The following DNAH11 variants were observed in gnomAD, a reference collection of about 807,000 sequenced individuals.
DNAH11 encodes the protein axonemal beta dynein heavy chain 11.
Under a neutral mutation model 526.0 loss-of-function variants are expected in DNAH11, and 442 were observed. The ratio of observed to expected loss-of-function variants is 0.84; its 90% CI spans 0.78 to 0.91. The LOEUF is 0.91. DNAH11 is among the 40% of genes least tolerant of loss of function. The pLI, the probability that DNAH11 is intolerant of heterozygous loss-of-function variation, is 0.00. For synonymous variants in DNAH11, 2,461 were observed against 1,935.9 expected (o/e 1.27, Z -7.12); for missense variants, 6,989 against 5,448.7 (o/e 1.28, Z -8.90).
intron 26 of DNAH11, 145 bp downstream of exon 26, chr7:21,636,240 A>G (rs917502115): frequency 9.1e-6 from 6 of 660,698 alleles, no homozygotes; most frequent in Non-Finnish European, 1.5e-5. Context: ...CAGGTAATAA[A>G]TATTTCAGGC....
At chr7:21,767,636 A>G (rs559249156) in intron 55 of DNAH11, among the ~76,000 whole-genome samples, 2 of 152,334 alleles carry the variant, frequency 1.3e-5, no homozygotes, top group Admixed American at 6.5e-5. Context: ...CAAATGAGTC[A>G]GATGATTTCA....
intron 5 of DNAH11, 112 bp from the exon 6 acceptor site, chr7:21,564,074 C>T: frequency 2.9e-6 from 2 of 701,524 alleles, no homozygotes; most frequent in Non-Finnish European, 4.6e-6. Context: ...ACTATGACAA[C>T]ATTTAAGTGT....
chr7:21,870,544 G>C lies in DNAH11; in HGVS notation c.11967+1553G>C, dbSNP rs183685844. ...AGACAGTTAGGTAAATTTTAAGGTT[G>C]TCTCAGAAAGGAAAGAGCTCTTTGA... is the stretch of plus-strand genomic sequence containing the variant. On this transcript the variant is annotated intron_variant, in intron 73 of 81. Transcript: ENST00000409508. Among the ~76,000 whole-genome samples, 52 of 152,280 alleles carry C rather than the reference G, an allele frequency of 3.4e-4. 1 individual carries two copies. In the East Asian group the frequency reaches 7.1e-3, roughly 21 times the overall value.
At chr7:21,711,619 C>G (rs1784466039) in intron 41 of DNAH11, 93 bp from the exon 42 acceptor site, 2 of 1,516,536 alleles carry the variant, frequency 1.3e-6, no homozygotes, top group African/African-American at 1.4e-5. Flanking sequence ...AGCACACAGC[C>G]TGTGATACTT....
chr7:21,600,459 A>G (rs1227666193), intron 15 of DNAH11, among the ~76,000 whole-genome samples: 4 of 150,630 alleles, frequency 2.7e-5, no homozygotes, highest in Non-Finnish European at 4.4e-5. Flanking sequence ...TCTCAAAAAA[A>G]CAAAAACAAA....
chr7:21,719,278 C>T (rs115098837), intron 43 of DNAH11, among the ~76,000 whole-genome samples: 2,072 of 152,228 alleles, frequency 0.014, 43 homozygotes, highest in African/African-American at 0.048. Flanking sequence ...AGATAGTGAC[C>T]TGAAATGGCT....
At chr7:21,896,212 C>CT (rs548600172) in intron 79 of DNAH11, among the ~76,000 whole-genome samples, 202 of 152,126 alleles carry the variant, frequency 1.3e-3, no homozygotes, top group African/African-American at 4.6e-3. Context: ...CTCATCATTG[C>CT]TTTTTTTGTA....
chr7:21,724,050 T>C (rs962760445), intron 44 of DNAH11, among the ~76,000 whole-genome samples: 4 of 152,232 alleles, frequency 2.6e-5, no homozygotes, highest in African/African-American at 9.6e-5. Context: ...TTTTCTACTT[T>C]AGAACAGATG....
At position 21,681,614 on chromosome 7, in the gene DNAH11, C is replaced by G; in HGVS notation, c.5397C>G (p.Ile1799Met). The G allele has an allele frequency of 1.2e-6, 2 of 1,613,886 alleles. No individual in the cohort carries two copies. The highest frequency in any genetic ancestry group is 8.5e-7 in the Non-Finnish European group (1 of 1,179,808). ...GELPPGDRQK[I>M]MTICTIDVHA... ...TTCCACCTGGAGACAGACAGAAGAT[C>G]ATGACAATTTGTACCATAGATGTCC... The change falls in exon 31 of 82, where the codon ATC becomes ATG. Residue 1799 changes from isoleucine to methionine, a missense_variant. Coordinates refer to ENST00000409508, the MANE Select transcript of DNAH11 (RefSeq NM_001277115.2).
intron 69 of DNAH11, among the ~76,000 whole-genome samples, 187 bp downstream of exon 69, chr7:21,862,210 C>A (rs576930675): frequency 2.0e-5 from 3 of 150,960 alleles, no homozygotes; most frequent in African/African-American, 7.3e-5. Context: ...TCTCCTAGGT[C>A]CCAGTGCTTT....
Position 21,867,972 on chromosome 7 carries a change from C to T in DNAH11, c.11804C>T (p.Pro3935Leu), listed in dbSNP as rs72658814. The stretch of plus-strand genomic sequence containing the variant: ...ACCCCCATATTCTTCATCCTGTCTC[C>T]GGGGGTAGATGCCCTTAAAGACCTG... ...PATPIFFILS[P>L]GVDALKDLEI... The change falls in exon 72 of 82, where the codon CCG becomes CTG. Residue 3935 changes from proline to leucine, a missense_variant. Pro to Leu is a moderately conservative substitution (Grantham distance 98). Coordinates refer to ENST00000409508, the MANE Select transcript of DNAH11 (RefSeq NM_001277115.2). 489 of 1,561,636 alleles carry T rather than the reference C, an allele frequency of 3.1e-4. 2 individuals carry two copies. The highest frequency in any genetic ancestry group is 5.4e-4 in the East Asian group (23 of 42,250).
chr7:21,616,365 G>GT, intron 22 of DNAH11, 73 bp downstream of exon 22: 1 of 1,187,762 alleles, frequency 8.4e-7, no homozygotes, highest in Non-Finnish European at 1.2e-6. Context: ...CCCTAATCTA[G>GT]TATCTGGTGT....
At chr7:21,545,410 G>T (rs1432023862) in intron 2 of DNAH11, among the ~76,000 whole-genome samples, 1 of 151,732 alleles carries the variant, frequency 6.6e-6, no homozygotes, top group Admixed American at 6.6e-5. Context: ...CAATTGCAGG[G>T]ATCATTCTCT....
intron 68 of DNAH11, among the ~76,000 whole-genome samples, chr7:21,856,012 G>A (rs1482727599): frequency 6.6e-6 from 1 of 152,180 alleles, no homozygotes; most frequent in Non-Finnish European, 1.5e-5. Flanking sequence ...TATGTAAAGA[G>A]TGTTTGGAGA....
intron 57 of DNAH11, among the ~76,000 whole-genome samples, chr7:21,779,466 G>T (rs998140013): frequency 2.0e-5 from 3 of 152,138 alleles, no homozygotes; most frequent in African/African-American, 7.2e-5. Context: ...CAACTCAATT[G>T]TTAACAAAGC....
chr7:21,574,800 A>T (rs1784022547), intron 8 of DNAH11, among the ~76,000 whole-genome samples: 2 of 148,634 alleles, frequency 1.3e-5, no homozygotes, highest in South Asian at 4.3e-4. Flanking sequence ...TCCCGACCTC[A>T]GATGATCCAC....
intron 9 of DNAH11, among the ~76,000 whole-genome samples, chr7:21,585,593 A>G (rs540319230): frequency 1.3e-5 from 2 of 152,306 alleles, no homozygotes; most frequent in African/African-American, 2.4e-5. Flanking sequence ...CCAAAACCAA[A>G]TACTACTGAA....
intron 20 of DNAH11, among the ~76,000 whole-genome samples, chr7:21,608,559 A>G (rs1006211649): frequency 1.3e-5 from 2 of 152,234 alleles, no homozygotes; most frequent in Non-Finnish European, 2.9e-5. Context: ...ACACCATTCT[A>G]TAGCATCATG....
At chr7:21,708,751 C>T (rs1052414678) in intron 40 of DNAH11, among the ~76,000 whole-genome samples, 1 of 152,180 alleles carries the variant, frequency 6.6e-6, no homozygotes, top group Non-Finnish European at 1.5e-5. Flanking sequence ...CCTCATGTTC[C>T]TGCCGTCGGC....
Sources: allele counts gnomAD v4.1 joint callset (sites outside exome capture counted in the v4.1 genomes callset), GRCh38; gene constraint gnomAD v4.1.1; transcripts MANE v1.5; gene names NCBI Gene and HGNC (gene_info 2026-07-23, HGNC 2026-07-21).